Variants in FAM180A observed in about 807,000 individuals in gnomAD.
FAM180A encodes family with sequence similarity 180 member A.
A neutral mutation model predicts 15.3 loss-of-function variants in FAM180A; 14 were observed. The ratio of observed to expected loss-of-function variants is 0.92; its 90% CI spans 0.61 to 1.43. FAM180A has a LOEUF of 1.43. Ranked by LOEUF, FAM180A falls within the 40% of genes most tolerant of loss-of-function variation. FAM180A has a pLI of 0.00. For synonymous variants in FAM180A, 90 were observed against 96.8 expected, an observed-to-expected ratio of 0.93 and a Z score of 0.41; for missense variants, 200 against 220.8, an observed-to-expected ratio of 0.91 and a Z score of 0.60.
chr7:135,733,551 T>C (rs1286008731), intron 3 of FAM180A, 95 bp downstream of exon 3: 3 of 629,124 alleles, frequency 4.8e-6, no homozygotes, highest in Non-Finnish European at 6.0e-6. Flanking sequence ...TTCACTGTGT[T>C]GCCCAGGCTG....
intron 3 of FAM180A, among the ~76,000 whole-genome samples, chr7:135,730,963 AT>A (rs33979475): frequency 2.0e-5 from 3 of 150,878 alleles, no homozygotes; most frequent in Non-Finnish European, 3.0e-5. Flanking sequence ...TCTTTTTTCT[AT>A]TTTTTTTTCA....
intron 1 of FAM180A, among the ~76,000 whole-genome samples, chr7:135,739,336 C>T (rs1233288714): frequency 1.5e-5 from 2 of 133,166 alleles, no homozygotes; most frequent in Admixed American, 7.6e-5. Flanking sequence ...AAATGCTGGG[C>T]GCGGTGGCTC....
intron 1 of FAM180A, among the ~76,000 whole-genome samples, chr7:135,739,012 G>A (rs544146955): frequency 3.3e-5 from 5 of 152,220 alleles, no homozygotes; most frequent in Admixed American, 6.5e-5. Flanking sequence ...TTCAGTGTAC[G>A]CAGTTAAAGA....
chr7:135,742,507 G>A (rs1231484259), intron 1 of FAM180A, among the ~76,000 whole-genome samples: 1 of 152,204 alleles, frequency 6.6e-6, no homozygotes, highest in Non-Finnish European at 1.5e-5. Context: ...GCTGGCCGTG[G>A]GGTGGGGAAA....
Position 135,734,241 on chromosome 7 carries a change from C to T in FAM180A, c.256G>A (p.Ala86Thr), listed in dbSNP as rs201028383. The T allele has an allele frequency of 4.0e-5, 65 of 1,613,984 alleles. 2 individuals carry two copies. The highest frequency in any genetic ancestry group is 2.7e-5 in the African/African-American group (2 of 74,932). Reference sequence around the variant, plus strand: ...TTGCAGACGGTGCGGAAGTCTGAGGCCTTCCGCAAGGAGGCCAGCTCCTCG... The same window carrying T: ...TTGCAGACGGTGCGGAAGTCTGAGGTCTTCCGCAAGGAGGCCAGCTCCTCG... ...KDEELASLRK[A>T]SDFRTVCNNV... Residue 86 changes from alanine (A) to threonine (T), a missense_variant, in exon 3 of 4, where the codon GCC (alanine) becomes ACC (threonine). Physicochemically the swap from Ala to Thr is moderately conservative, Grantham distance 58 (BLOSUM62 0). Transcript: ENST00000338588.
rs559248672 is a variant in FAM180A at position 135,748,667 on chromosome 7, A to G, written c.-87T>C. 2 of 987,566 alleles carry G rather than the reference A, an allele frequency of 2.0e-6. No homozygotes were observed. Among genetic ancestry groups the G allele is most frequent in the African/African-American group, 3.2e-5 (2 of 62,746 alleles). 61.2% of individuals were successfully genotyped at this position (987,566 alleles called of 1,614,324 possible). ...TATGCCCGTGCCGTTCTTCCCAGTGAGATGATGGAGTGCTTCCCTCCCTTC... is the reference window on the plus strand; with the variant it reads ...TATGCCCGTGCCGTTCTTCCCAGTGGGATGATGGAGTGCTTCCCTCCCTTC... On this transcript the variant is annotated 5_prime_UTR_variant, in exon 1 of 4. Coordinates refer to ENST00000338588, the MANE Select transcript of FAM180A (RefSeq NM_205855.4).
chr7:135,737,096 T>A lies in FAM180A; in HGVS notation c.177+3A>T. ...TGGATTGAGCATGTTCCCCTCTGCC[T>A]ACCTCGTAGAGCAGCTCCACCTCCT... On this transcript the variant is annotated splice_donor_region_variant and intron_variant, in intron 2 of 3. Coordinates refer to ENST00000338588, the MANE Select transcript of FAM180A (RefSeq NM_205855.4). 6.2e-7 allele frequency: 1 copy of A among 1,608,118 alleles called. No individual in the cohort carries two copies. Among genetic ancestry groups the A allele is most frequent in the Non-Finnish European group, 8.5e-7 (1 of 1,175,692 alleles).
intron 1 of FAM180A, among the ~76,000 whole-genome samples, chr7:135,741,465 G>A (rs28753368): frequency 0.092 from 13,919 of 150,540 alleles, 2,118 homozygotes; most frequent in African/African-American, 0.32. Flanking sequence ...GCAGTGAGCC[G>A]AGATCATGCC....
chr7:135,748,786 A>G lies in FAM180A; in HGVS notation c.-206T>C. 1 of 567,294 alleles carries G rather than the reference A, an allele frequency of 1.8e-6. No homozygotes were observed. The highest frequency in any genetic ancestry group is 2.0e-5 in the South Asian group (1 of 49,134). 35.1% of individuals were successfully genotyped at this position (567,294 alleles called of 1,614,324 possible). A position where few individuals can be genotyped will look rare whatever the true frequency, so the allele number is the denominator to read the frequency against. On this transcript the variant is annotated 5_prime_UTR_variant, in exon 1 of 4. An upstream start codon of the reference 5' UTR is lost. Transcript: ENST00000338588. ...GGGACAGGAGTCGGTACCTCTCTTC[A>G]TTTGACGCTCTCTGGGATTGGGGAA...
chr7:135,741,097 C>T (rs1287103568), intron 1 of FAM180A, among the ~76,000 whole-genome samples: 1 of 152,198 alleles, frequency 6.6e-6, no homozygotes, highest in Non-Finnish European at 1.5e-5. Flanking sequence ...TGATCTTAGA[C>T]CTGGACTTTC....
intron 3 of FAM180A, among the ~76,000 whole-genome samples, chr7:135,732,185 C>T (rs1401629993): frequency 1.3e-5 from 2 of 152,258 alleles, no homozygotes; most frequent in East Asian, 3.9e-4. Context: ...GAAAAATATG[C>T]TCTAATAGCC....
At chr7:135,747,007 C>G (rs751364590) in intron 1 of FAM180A, among the ~76,000 whole-genome samples, 1 of 152,084 alleles carries the variant, frequency 6.6e-6, no homozygotes, top group Admixed American at 6.5e-5. Context: ...GACTGAGGCA[C>G]GAGAATCGCT....
chr7:135,748,358 G>A (rs1168694744), intron 1 of FAM180A, 147 bp downstream of exon 1: 2 of 680,086 alleles, frequency 2.9e-6, no homozygotes, highest in Non-Finnish European at 5.2e-6. Flanking sequence ...CTAAGAAGGG[G>A]GAACACGTCA....
At chr7:135,736,946 G>T (rs1584751175) in intron 2 of FAM180A, among the ~76,000 whole-genome samples, 153 bp downstream of exon 2, 1 of 152,218 alleles carries the variant, frequency 6.6e-6, no homozygotes, top group East Asian at 1.9e-4. Context: ...GAATGAGTAG[G>T]TTCTATGACC....
At chr7:135,745,337 A>G (rs145625250) in intron 1 of FAM180A, among the ~76,000 whole-genome samples, 2 of 152,336 alleles carry the variant, frequency 1.3e-5, no homozygotes, top group African/African-American at 2.4e-5. Flanking sequence ...AAGCATAGCT[A>G]TTCATATCCT....
rs1796998003 is a variant in FAM180A, at chr7:135,744,272, A to G, written c.76+4233T>C. ...CAGTAGTATGGTATTCAGGCTAATC[A>G]TGCTTTCCCCAGAACTGTGCATAGC... On this transcript the variant is annotated intron_variant, in intron 1 of 3. Coordinates refer to ENST00000338588, the MANE Select transcript of FAM180A (RefSeq NM_205855.4). 2.6e-5 allele frequency among the ~76,000 whole-genome samples: 4 copies of G among 152,272 alleles called. No homozygotes were observed. The South Asian group carries it at 8.3e-4, about 32-fold the overall frequency.
intron 1 of FAM180A, among the ~76,000 whole-genome samples, chr7:135,741,986 T>A (rs1010842914): frequency 6.6e-6 from 1 of 152,192 alleles, no homozygotes; most frequent in Non-Finnish European, 1.5e-5. Flanking sequence ...TAAAGATGGG[T>A]CTCTCTTCCT....
At chr7:135,742,780 C>T (rs1208169837) in intron 1 of FAM180A, among the ~76,000 whole-genome samples, 1 of 152,196 alleles carries the variant, frequency 6.6e-6, no homozygotes, top group Non-Finnish European at 1.5e-5. Flanking sequence ...GCTCGGGGCA[C>T]CCACTGTGTG....
rs888753111 is a variant in FAM180A, at chr7:135,733,965, G to T, written c.*10C>A. 5 of 1,581,104 alleles carry T rather than the reference G, an allele frequency of 3.2e-6. No individual in the cohort carries two copies. In the African/African-American group the frequency reaches 6.7e-5, roughly 21 times the overall value. On this transcript the variant is annotated 3_prime_UTR_variant, in exon 3 of 4. Coordinates refer to ENST00000338588, the MANE Select transcript of FAM180A (RefSeq NM_205855.4). ...GTCCCTGCTCTGAGGTCCTGGTGTG[G>T]GCCAGTCTCTCAGGGAGGTACTCCC...
Sources: allele counts gnomAD v4.1 joint callset (sites outside exome capture counted in the v4.1 genomes callset), GRCh38; gene constraint gnomAD v4.1.1; transcripts MANE v1.5; gene names NCBI Gene and HGNC (gene_info 2026-07-23, HGNC 2026-07-21).